The following CHLSN variants were observed in gnomAD, a reference collection of about 807,000 sequenced individuals.
CHLSN encodes protein cholesin.
chr7:1,058,149 C>T, the CHLSN span: 49 of 740,274 alleles, frequency 6.6e-5, no homozygotes, highest in African/African-American at 3.4e-5. Context: ...GCTACTCTCC[C>T]GCGTCCGCAG....
At chr7:1,094,453 CAT>C in the CHLSN span, among the ~76,000 whole-genome samples, 3 of 152,206 alleles carry the variant, frequency 2.0e-5, no homozygotes, top group Admixed American at 6.5e-5. Context: ...TTTGTGATAA[CAT>C]AAAGTTTGAT....
chr7:1,094,562 A>T, the CHLSN span, among the ~76,000 whole-genome samples: 1 of 152,256 alleles, frequency 6.6e-6, no homozygotes, highest in Non-Finnish European at 1.5e-5. Context: ...GAACGCAGCC[A>T]TGTTGAGTCC....
At chr7:1,136,443 A>C in the CHLSN span, among the ~76,000 whole-genome samples, 18 of 121,926 alleles carry the variant, frequency 1.5e-4, 1 homozygote, top group African/African-American at 2.5e-4. Flanking sequence ...CATATATATA[A>C]ATATATATAA....
chr7:1,073,687 CACG>C, the CHLSN span, among the ~76,000 whole-genome samples: 1 of 145,276 alleles, frequency 6.9e-6, no homozygotes, highest in Non-Finnish European at 1.5e-5. Flanking sequence ...TGACGCCCCC[CACG>C]ACCCCGCACC....
the CHLSN span, among the ~76,000 whole-genome samples, chr7:1,084,382 G>A: frequency 2.0e-5 from 3 of 152,350 alleles, 1 homozygote; most frequent in South Asian, 6.2e-4. Context: ...GAGACACGGC[G>A]CACTTCTCCG....
the CHLSN span, among the ~76,000 whole-genome samples, chr7:1,005,276 T>A: frequency 4.6e-5 from 7 of 152,050 alleles, no homozygotes; most frequent in Admixed American, 2.0e-4. Flanking sequence ...GGCGACAGAG[T>A]GAGACTCCAT....
the CHLSN span, among the ~76,000 whole-genome samples, chr7:1,108,410 GA>G: frequency 6.6e-6 from 1 of 152,152 alleles, no homozygotes; most frequent in South Asian, 2.1e-4. Flanking sequence ...CGGGGAAGCA[GA>G]GGGGGGCTGC....
chr7:1,059,766 G>A, the CHLSN span, among the ~76,000 whole-genome samples: 2 of 115,012 alleles, frequency 1.7e-5, no homozygotes, highest in African/African-American at 3.3e-5. Flanking sequence ...GGTCTTAGTG[G>A]GGCGGGTCCG....
chr7:1,035,227 CTG>C, the CHLSN span, among the ~76,000 whole-genome samples: 6 of 152,052 alleles, frequency 3.9e-5, no homozygotes, highest in African/African-American at 1.4e-4. Context: ...GTCTTTGTGA[CTG>C]TGAACAGTGC....
chr7:1,010,032 G>A, the CHLSN span: 92 of 1,609,182 alleles, frequency 5.7e-5, no homozygotes, highest in South Asian at 9.5e-4. Context: ...TCCCGCAGAC[G>A]CTGCCTCTCC....
the CHLSN span, among the ~76,000 whole-genome samples, chr7:1,069,440 G>A: frequency 7.0e-6 from 1 of 142,166 alleles, no homozygotes; most frequent in Non-Finnish European, 1.5e-5. Flanking sequence ...CTGCCATCTC[G>A]GCTCACTGCA....
At chr7:1,134,878 AAAAT>A in the CHLSN span, among the ~76,000 whole-genome samples, 15,805 of 151,898 alleles carry the variant, frequency 0.1, 892 homozygotes, top group African/African-American at 0.11. Flanking sequence ...CTCCTTCTCA[AAAAT>A]AAATAAATAA....
At chr7:1,019,769 G>A in the CHLSN span, among the ~76,000 whole-genome samples, 2 of 152,216 alleles carry the variant, frequency 1.3e-5, no homozygotes, top group East Asian at 3.9e-4. Context: ...GGTTGGCTGT[G>A]GCCCTGACCC....
chr7:987,589 T>C, the CHLSN span: 1 of 1,424,796 alleles, frequency 7.0e-7, no homozygotes, highest in Non-Finnish European at 9.3e-7. Context: ...TCGGCGGGGG[T>C]CCAGGGGCAC....
the CHLSN span, chr7:987,513 C>A: frequency 1.3e-6 from 2 of 1,530,162 alleles, no homozygotes; most frequent in Non-Finnish European, 1.8e-6. Flanking sequence ...CACAGCTGGG[C>A]GGCTTCCTGC....
chr7:983,424 A>G, the CHLSN span: 1 of 1,424,588 alleles, frequency 7.0e-7, no homozygotes, highest in Non-Finnish European at 9.2e-7. Context: ...CCGCTTGGAC[A>G]GCTGCCGTGT....
the CHLSN span, among the ~76,000 whole-genome samples, chr7:1,060,254 C>A: frequency 1.3e-5 from 2 of 152,148 alleles, no homozygotes; most frequent in African/African-American, 2.4e-5. Flanking sequence ...TTCTAAAGCC[C>A]ACAAAGCTCT....
chr7:1,108,972 CT>C, the CHLSN span, among the ~76,000 whole-genome samples: 1 of 150,142 alleles, frequency 6.7e-6, no homozygotes, highest in Non-Finnish European at 1.5e-5. Context: ...ACTCGGCTCA[CT>C]GCAACTCTGC....
the CHLSN span, chr7:1,058,189 G>A: frequency 2.7e-6 from 2 of 741,972 alleles, no homozygotes; most frequent in African/African-American, 1.7e-5. Flanking sequence ...CGGGACACGG[G>A]CCGGCTGGAG....
Sources: allele counts gnomAD v4.1 joint callset (sites outside exome capture counted in the v4.1 genomes callset), GRCh38; gene constraint gnomAD v4.1.1; transcripts MANE v1.5; gene names NCBI Gene and HGNC (gene_info 2026-07-23, HGNC 2026-07-21).